Variants in ALK observed in about 807,000 individuals in gnomAD.
ALK encodes ALK receptor tyrosine kinase.
ALK carries 74 observed loss-of-function variants against 163.1 expected under a neutral mutation model. The ratio of observed to expected loss-of-function variants is 0.45; its 90% confidence interval spans 0.38 to 0.55. The LOEUF is 0.55. Ranked by LOEUF, ALK falls within the 20% of genes least tolerant of loss-of-function variation. The pLI, the probability that ALK is intolerant of heterozygous loss-of-function variation, is 0.00. For missense variants in ALK, 2,063 were observed against 2,105.3 expected, an observed-to-expected ratio of 0.98 and a Z score of 0.39; for synonymous variants, 960 against 843.2, an observed-to-expected ratio of 1.14 and a Z score of -2.40.
At chr2:29,310,587 A>G (rs1666669648) in intron 8 of ALK, among the ~76,000 whole-genome samples, 1 of 152,208 alleles carries the variant, frequency 6.6e-6, no homozygotes, top group Admixed American at 6.5e-5. Context: ...AGTGTTCTTA[A>G]CTTTTCTGTA....
chr2:29,832,787 G>T (rs1357879399), intron 1 of ALK, among the ~76,000 whole-genome samples: 5 of 152,192 alleles, frequency 3.3e-5, no homozygotes, highest in Admixed American at 3.3e-4. Flanking sequence ...ATCTTCATGG[G>T]TCTCAAAGTC....
intron 4 of ALK, among the ~76,000 whole-genome samples, chr2:29,477,800 G>A (rs1671564043): frequency 6.6e-6 from 1 of 152,162 alleles, no homozygotes; most frequent in African/African-American, 2.4e-5. Flanking sequence ...AGACTTAGGG[G>A]AAATTGCTTC....
intron 1 of ALK, among the ~76,000 whole-genome samples, chr2:29,893,313 T>C (rs561920120): frequency 6.6e-6 from 1 of 152,204 alleles, no homozygotes; most frequent in Non-Finnish European, 1.5e-5. Context: ...CTGCTTCTGA[T>C]GAGTGACCCT....
intron 26 of ALK, among the ~76,000 whole-genome samples, chr2:29,203,801 C>G (rs1256721997): frequency 6.6e-6 from 1 of 151,650 alleles, no homozygotes; most frequent in Non-Finnish European, 1.5e-5. Flanking sequence ...TGCCCTTTTT[C>G]CCCATGGTGA....
At chr2:29,791,116 T>G (rs147849189) in intron 1 of ALK, among the ~76,000 whole-genome samples, 1 of 152,284 alleles carries the variant, frequency 6.6e-6, no homozygotes, top group Non-Finnish European at 1.5e-5. Flanking sequence ...CAATAAACAT[T>G]TAGTTTCCTA....
intron 1 of ALK, among the ~76,000 whole-genome samples, chr2:29,845,670 G>A (rs1296869438): frequency 6.6e-6 from 1 of 152,174 alleles, no homozygotes; most frequent in Non-Finnish European, 1.5e-5. Flanking sequence ...CTGACCTCAG[G>A]TGATCCACCT....
intron 26 of ALK, among the ~76,000 whole-genome samples, chr2:29,204,394 C>G (rs1046351742): frequency 2.7e-5 from 4 of 149,952 alleles, no homozygotes; most frequent in South Asian, 2.1e-4. Context: ...CTCCGACTTT[C>G]CTCGTTTTTT....
chr2:29,220,792 G>A lies in ALK; in HGVS notation c.3559C>T (p.Leu1187=). 1 of 1,614,138 alleles carries A rather than the reference G, an allele frequency of 6.2e-7. No individual in the cohort carries two copies. The highest frequency in any genetic ancestry group is 8.5e-7 in the Non-Finnish European group (1 of 1,179,986). The change falls in exon 23 of 29, where the codon CTG becomes TTG. Residue 1187 remains leucine (L), a synonymous_variant. Transcript: ENST00000389048. ...AGGATGAACCGGGGCAGGGATTGCA[G>A]GCTCACCCCAATGCAGCGAACAATG... is the stretch of plus-strand genomic sequence containing the variant. ...QNIVRCIGVS[L]QSLPRFILLE...
At chr2:29,917,598 G>A (rs1433635667) in intron 1 of ALK, among the ~76,000 whole-genome samples, 1 of 152,152 alleles carries the variant, frequency 6.6e-6, no homozygotes, top group Non-Finnish European at 1.5e-5. Flanking sequence ...TCTGAATGAG[G>A]CTGGGGAGGC....
chr2:29,686,612 C>G (rs1678248411), intron 3 of ALK, among the ~76,000 whole-genome samples: 1 of 152,178 alleles, frequency 6.6e-6, no homozygotes, highest in Admixed American at 6.5e-5. Flanking sequence ...GGGACCAGAG[C>G]CAGGCCTCTG....
chr2:29,859,683 C>T (rs908706428), intron 1 of ALK, among the ~76,000 whole-genome samples: 2 of 152,010 alleles, frequency 1.3e-5, no homozygotes, highest in Non-Finnish European at 2.9e-5. Context: ...GGGAAAACAT[C>T]ACACATGTGT....
At chr2:29,375,914 A>C (rs1668742461) in intron 5 of ALK, among the ~76,000 whole-genome samples, 1 of 152,294 alleles carries the variant, frequency 6.6e-6, no homozygotes, top group Non-Finnish European at 1.5e-5. Context: ...AGTTCATCTT[A>C]ATCAAAAACC....
At chr2:29,767,299 T>A (rs1680891120) in intron 1 of ALK, among the ~76,000 whole-genome samples, 1 of 152,182 alleles carries the variant, frequency 6.6e-6, no homozygotes, top group Admixed American at 6.5e-5. Context: ...TGCAACTTTT[T>A]AAAGGCAGAG....
intron 1 of ALK, among the ~76,000 whole-genome samples, chr2:29,749,475 T>C (rs538468049): frequency 6.6e-6 from 1 of 152,208 alleles, no homozygotes; most frequent in East Asian, 1.9e-4. Flanking sequence ...CCTGAATAGA[T>C]AATAGTTTTA....
chr2:29,832,122 G>C (rs1450518097), intron 1 of ALK, among the ~76,000 whole-genome samples: 1 of 152,206 alleles, frequency 6.6e-6, no homozygotes, highest in Non-Finnish European at 1.5e-5. Flanking sequence ...GGACAAACAA[G>C]AAACAGTAAT....
intron 11 of ALK, 42 bp from the exon 12 acceptor site, chr2:29,251,309 C>A (rs1262846273): frequency 6.3e-7 from 1 of 1,594,180 alleles, no homozygotes. Flanking sequence ...GTGGCCAGGC[C>A]CTCCCTCCTC....
chr2:29,615,311 CTCTT>C lies in ALK; in HGVS notation c.952+79535_952+79538del, dbSNP rs148668671. On this transcript the variant is annotated intron_variant, in intron 3 of 28. Coordinates refer to ENST00000389048, the MANE Select transcript of ALK (RefSeq NM_004304.5). ...TCTTGTCCTAGGGTAAAGCTAACCC[CTCTT>C]TCTTCTGTTCTTCTAGTGCAAAGCT... Among the ~76,000 whole-genome samples the C allele has an allele frequency of 5.1e-3, 784 of 152,300 alleles. 8 individuals carry two copies. Among genetic ancestry groups the C allele is most frequent in the African/African-American group, 0.017 (691 of 41,560 alleles).
chr2:29,673,546 T>G (rs1488292350), intron 3 of ALK, among the ~76,000 whole-genome samples: 5 of 104,212 alleles, frequency 4.8e-5, no homozygotes, highest in Non-Finnish European at 7.7e-5. Flanking sequence ...TATTTCTGTT[T>G]TGGTACCAGT....
intron 3 of ALK, among the ~76,000 whole-genome samples, chr2:29,626,872 A>G (rs1179078134): frequency 1.3e-5 from 2 of 152,192 alleles, no homozygotes; most frequent in Admixed American, 6.5e-5. Context: ...GCAGGCCTCT[A>G]CCTCTGCAGA....
Sources: gnomAD v4.1 joint callset for allele counts (sites outside exome capture counted in the v4.1 genomes callset) on GRCh38, gnomAD v4.1.1 for gene constraint, MANE v1.5 for transcripts, NCBI Gene and HGNC (gene_info 2026-07-23, HGNC 2026-07-21) for gene names.